SCAPER: variants seen among roughly 807,000 people sequenced by gnomAD.
The protein encoded by SCAPER is S-phase cyclin A associated protein in the ER.
Under a neutral mutation model 182.2 loss-of-function variants are expected in SCAPER, and 98 were observed. The observed-to-expected ratio is 0.54, with a 90% CI of 0.46 to 0.64. The LOEUF is 0.64. SCAPER is among the 30% of genes least tolerant of loss of function. The pLI is 0.00. For synonymous variants in SCAPER, 605 were observed against 564.6 expected (o/e 1.07, Z -1.01); for missense variants, 1,432 against 1,690.0 (o/e 0.85, Z 2.68).
At chr15:76,605,382 C>T (rs2050295230) in intron 22 of SCAPER, among the ~76,000 whole-genome samples, 1 of 152,104 alleles carries the variant, frequency 6.6e-6, no homozygotes, top group Non-Finnish European at 1.5e-5. Flanking sequence ...CCCACTTGAT[C>T]GTGGTGGATA....
chr15:76,398,304 T>C (rs1293646794), intron 27 of SCAPER, among the ~76,000 whole-genome samples: 1 of 152,242 alleles, frequency 6.6e-6, no homozygotes, highest in Non-Finnish European at 1.5e-5. Flanking sequence ...CCAGGCAGCA[T>C]GTTAAGTGCT....
chr15:76,784,579 A>G (rs1420651451), intron 8 of SCAPER, among the ~76,000 whole-genome samples: 1 of 152,226 alleles, frequency 6.6e-6, no homozygotes, highest in African/African-American at 2.4e-5. Flanking sequence ...CATTGTCAAG[A>G]CAATCCTACG....
rs192408149 is a variant in SCAPER at position 76,453,870 on chromosome 15, C to T, written c.3078+17342G>A. Among the ~76,000 whole-genome samples the T allele has an allele frequency of 4.1e-3, 625 of 152,262 alleles. 5 individuals are homozygous for T. The highest frequency in any genetic ancestry group is 0.014 in the Middle Eastern group (4 of 294). ...GGCAGAAAGATACTTGGAGAATGATCCGAGATACAGGTCTTCCTGCTTAAA... is the reference window on the plus strand; with the variant it reads ...GGCAGAAAGATACTTGGAGAATGATTCGAGATACAGGTCTTCCTGCTTAAA... On this transcript the variant is annotated intron_variant, in intron 25 of 31. Coordinates refer to ENST00000563290, the MANE Select transcript of SCAPER (RefSeq NM_020843.4).
intron 15 of SCAPER, among the ~76,000 whole-genome samples, chr15:76,740,735 A>C (rs1307340703): frequency 6.6e-6 from 1 of 152,182 alleles, no homozygotes. Flanking sequence ...CCAGCAAACC[A>C]AAAGATAAAA....
chr15:76,495,226 C>T (rs1207000662), intron 24 of SCAPER, among the ~76,000 whole-genome samples: 1 of 151,988 alleles, frequency 6.6e-6, no homozygotes, highest in Non-Finnish European at 1.5e-5. Flanking sequence ...ACTGGTAAAA[C>T]AACAACCCAA....
intron 5 of SCAPER, among the ~76,000 whole-genome samples, chr15:76,840,286 G>A (rs2069345274): frequency 6.6e-6 from 1 of 151,978 alleles, no homozygotes; most frequent in Non-Finnish European, 1.5e-5. Context: ...CAGGCATGGT[G>A]GCATACGCCT....
intron 25 of SCAPER, among the ~76,000 whole-genome samples, chr15:76,458,620 A>G (rs2048922906): frequency 6.6e-6 from 1 of 152,112 alleles, no homozygotes; most frequent in Non-Finnish European, 1.5e-5. Context: ...TCAAGTCAGG[A>G]TATTTAGGGC....
intron 21 of SCAPER, among the ~76,000 whole-genome samples, chr15:76,635,745 G>A (rs527907072): frequency 6.6e-6 from 1 of 151,708 alleles, no homozygotes; most frequent in East Asian, 1.9e-4. Context: ...TCTAGTCCTA[G>A]TTTGTTGGGT....
intron 24 of SCAPER, among the ~76,000 whole-genome samples, chr15:76,490,549 C>T (rs2052192586): frequency 2.0e-5 from 3 of 152,052 alleles, no homozygotes; most frequent in Non-Finnish European, 4.4e-5. Context: ...GAACTTAACC[C>T]TTTCTCTGAT....
At chr15:76,869,296 A>G (rs527922080) in intron 2 of SCAPER, among the ~76,000 whole-genome samples, 5 of 152,186 alleles carry the variant, frequency 3.3e-5, no homozygotes, top group Non-Finnish European at 5.9e-5. Flanking sequence ...AGGCTTCTGC[A>G]TAACAAAGGA....
At chr15:76,561,006 C>G (rs1019850915) in intron 23 of SCAPER, among the ~76,000 whole-genome samples, 7 of 152,058 alleles carry the variant, frequency 4.6e-5, no homozygotes, top group Non-Finnish European at 7.4e-5. Flanking sequence ...GATCCATACA[C>G]GGGCAATTTC....
chr15:76,559,065 C>T (rs898857780), intron 23 of SCAPER, among the ~76,000 whole-genome samples: 8 of 151,788 alleles, frequency 5.3e-5, no homozygotes, highest in African/African-American at 1.9e-4. Context: ...GATGGAGCCT[C>T]GCTCTGTTGC....
chr15:76,747,869 C>G (rs2061878386), intron 15 of SCAPER, among the ~76,000 whole-genome samples: 2 of 152,072 alleles, frequency 1.3e-5, no homozygotes, highest in Non-Finnish European at 2.9e-5. Context: ...AACCTCTTTT[C>G]TTTATAAATT....
chr15:76,479,156 T>G (rs2050896141), intron 24 of SCAPER, among the ~76,000 whole-genome samples: 1 of 152,082 alleles, frequency 6.6e-6, no homozygotes. Flanking sequence ...AGAAACCACT[T>G]TCTGATGAGG....
intron 23 of SCAPER, among the ~76,000 whole-genome samples, chr15:76,569,398 A>G (rs2047277396): frequency 1.3e-5 from 2 of 152,170 alleles, no homozygotes; most frequent in Admixed American, 1.3e-4. Flanking sequence ...CTTTGTTGTG[A>G]TATATTATCC....
At position 76,604,292 on chromosome 15, in the gene SCAPER, T is replaced by C. The variant is rs1444373350; in HGVS notation, c.2711+17472A>G. 9.1e-5 allele frequency among the ~76,000 whole-genome samples: 11 copies of C among 120,640 alleles called. 2 individuals carry two copies. Among genetic ancestry groups the C allele is most frequent in the African/African-American group, 1.3e-4 (5 of 39,542 alleles). 79.1% of individuals were successfully genotyped at this position (120,640 alleles called of 152,430 possible). ...TTTATTAAATAGGGAATCCTTTCCCTATTGCTTGTTTTTGTCAGGTTTGTC... is the reference window on the plus strand; with the variant it reads ...TTTATTAAATAGGGAATCCTTTCCCCATTGCTTGTTTTTGTCAGGTTTGTC... On this transcript the variant is annotated intron_variant, in intron 22 of 31. Coordinates refer to ENST00000563290, the MANE Select transcript of SCAPER (RefSeq NM_020843.4).
intron 5 of SCAPER, among the ~76,000 whole-genome samples, chr15:76,823,371 T>G (rs2067734168): frequency 6.6e-6 from 1 of 151,910 alleles, no homozygotes; most frequent in African/African-American, 2.4e-5. Context: ...AAGGCATGAT[T>G]ATTGCTTGAA....
intron 8 of SCAPER, among the ~76,000 whole-genome samples, chr15:76,781,233 G>A (rs1033245723): frequency 2.6e-5 from 4 of 152,170 alleles, no homozygotes; most frequent in African/African-American, 4.8e-5. Context: ...AGAGAACTTC[G>A]TGATGCATGC....
chr15:76,897,266 A>C (rs915362558), intron 1 of SCAPER, among the ~76,000 whole-genome samples: 2 of 152,192 alleles, frequency 1.3e-5, no homozygotes, highest in African/African-American at 4.8e-5. Flanking sequence ...CTGCACTGCA[A>C]TTACAACTTC....
Sources: gnomAD v4.1 joint callset for allele counts (sites outside exome capture counted in the v4.1 genomes callset) on GRCh38, gnomAD v4.1.1 for gene constraint, MANE v1.5 for transcripts, NCBI Gene and HGNC (gene_info 2026-07-23, HGNC 2026-07-21) for gene names.